CLTCL1: variants seen among roughly 807,000 people sequenced by gnomAD.
The protein encoded by CLTCL1 is clathrin heavy chain 2.
In CLTCL1, 159 loss-of-function variants were observed where a neutral mutation model predicts 190.0. The observed-to-expected ratio is 0.84, with a 90% CI of 0.74 to 0.95. The LOEUF is 0.95. CLTCL1 is among the 40% of genes least tolerant of loss of function. CLTCL1 has a pLI of 0.00. For missense variants in CLTCL1, 1,878 were observed against 2,033.4 expected (o/e 0.92, Z 1.47); for synonymous variants, 752 against 769.6 (o/e 0.98, Z 0.38).
chr22:19,288,362 T>G (rs1333529242), intron 1 of CLTCL1, among the ~76,000 whole-genome samples: 2 of 152,140 alleles, frequency 1.3e-5, no homozygotes, highest in Admixed American at 1.3e-4. Flanking sequence ...GTATAAAGGG[T>G]TCAGAACAAT....
chr22:19,190,596 C>CAAAAAAAA lies in CLTCL1; in HGVS notation c.4323+700_4323+707dup, dbSNP rs55780206. Reference sequence around the variant, plus strand: ...CCTGGGCAACAGAGCAAGACTGTCTCAAAAAAAAAAAAAAAAAAAAAAAGA... The same window carrying CAAAAAAAA: ...CCTGGGCAACAGAGCAAGACTGTCTCAAAAAAAAAAAAAAAAAAAAAAAAAAAAAAAGA... On this transcript the variant is annotated intron_variant, in intron 27 of 32. Transcript: ENST00000427926. 4.0e-4 allele frequency among the ~76,000 whole-genome samples: 29 copies of CAAAAAAAA among 72,820 alleles called. 2 individuals carry two copies. In the East Asian group the frequency reaches 7.8e-3, roughly 20 times the overall value. The allele number at this position is 72,820 out of a possible 152,430, so 47.8% of individuals were successfully genotyped here. A position where few individuals can be genotyped will look rare whatever the true frequency, so the allele number is the denominator to read the frequency against.
chr22:19,184,138 C>A (rs2084234076), intron 29 of CLTCL1: 1 of 269,600 alleles, frequency 3.7e-6, no homozygotes, highest in Non-Finnish European at 7.4e-6. Flanking sequence ...CCTGACCAGT[C>A]CTGAAGAAGC....
intron 26 of CLTCL1, among the ~76,000 whole-genome samples, chr22:19,193,965 A>G (rs547221240): frequency 6.6e-6 from 1 of 152,366 alleles, no homozygotes; most frequent in African/African-American, 2.4e-5. Context: ...AGACCCGAAC[A>G]GGTTGCACTG....
intron 29 of CLTCL1, among the ~76,000 whole-genome samples, chr22:19,186,209 G>A (rs2084309865): frequency 6.6e-6 from 1 of 152,170 alleles, no homozygotes; most frequent in South Asian, 2.1e-4. Context: ...GAATGCCTAA[G>A]GCCAACTCCG....
chr22:19,280,818 C>CAAAAAA (rs35797654), intron 1 of CLTCL1, among the ~76,000 whole-genome samples: 3 of 59,400 alleles, frequency 5.1e-5, no homozygotes, highest in Middle Eastern at 0.011. Flanking sequence ...GACTCCATCT[C>CAAAAAA]AAAAAAAAAA....
In CLTCL1 at chr22:19,180,788, A is replaced by G; in HGVS notation, c.4846T>C (p.Leu1616=). The G allele has an allele frequency of 6.2e-7, 1 of 1,613,782 alleles. No homozygotes were observed. Among genetic ancestry groups the G allele is most frequent in the African/African-American group, 1.3e-5 (1 of 75,050 alleles). ...YLSKVDKLDA[L]ESLRKQEEHV... is the part of the protein sequence containing the mutation. Reference sequence around the variant, plus strand: ...TCCTCTTGCTTGCGCAGACTCTCCAAGGCATCCAGTTTGTCCACCTGCAAG... The same window carrying G: ...TCCTCTTGCTTGCGCAGACTCTCCAGGGCATCCAGTTTGTCCACCTGCAAG... Residue 1616 remains leucine, a synonymous_variant, in exon 31 of 33, where the codon TTG becomes CTG. Coordinates refer to ENST00000427926, the MANE Select transcript of CLTCL1 (RefSeq NM_007098.4).
At chr22:19,192,304 A>C (rs2084537559) in intron 26 of CLTCL1, among the ~76,000 whole-genome samples, 1 of 151,862 alleles carries the variant, frequency 6.6e-6, no homozygotes. Context: ...TGACCTCGTG[A>C]TCTCCCCACC....
chr22:19,254,070 GGA>G lies in CLTCL1; in HGVS notation c.406_407del (p.Ser136ProfsTer7). On this transcript the variant is annotated frameshift_variant, in exon 3 of 33. Transcript: ENST00000427926. LOFTEE classifies it high-confidence loss of function. ...GTCTATCAAACATCTTCATGGGCTG[GGA>G]GTCACCTTCCATGCTCCAGTGGTAG... ...AVYHWSMEGD[S>X]QPMKMFDRHT... is the part of the protein sequence containing the mutation. The G allele has an allele frequency of 3.1e-6, 5 of 1,612,240 alleles. No individual in the cohort carries two copies. The highest frequency in any genetic ancestry group is 4.2e-6 in the Non-Finnish European group (5 of 1,179,082).
chr22:19,250,041 G>A lies in CLTCL1; in HGVS notation c.519+3918C>T. Reference sequence around the variant, plus strand: ...GGCCGAGGTGGGCAGATCACTTGAGGTCAGGAGTTCAAGACCAGCCTGGCC... The same window carrying A: ...GGCCGAGGTGGGCAGATCACTTGAGATCAGGAGTTCAAGACCAGCCTGGCC... On this transcript the variant is annotated intron_variant, in intron 3 of 32. Transcript: ENST00000427926. 3 of 243,172 alleles carry A rather than the reference G, an allele frequency of 1.2e-5. No individual in the cohort carries two copies. The South Asian group carries it at 1.4e-4, about 11-fold the overall frequency. The allele number at this position is 243,172 out of a possible 1,614,324, so 15.1% of individuals were successfully genotyped here. A position where few individuals can be genotyped will look rare whatever the true frequency, so the allele number is the denominator to read the frequency against.
Position 19,187,617 on chromosome 22 carries a change from T to G in CLTCL1, c.4546A>C (p.Lys1516Gln), listed in dbSNP as rs1469276016. The G allele has an allele frequency of 5.6e-6, 9 of 1,613,464 alleles. No homozygotes were observed. Among genetic ancestry groups the G allele is most frequent in the Admixed American group, 1.7e-5 (1 of 60,014 alleles). Reference protein sequence around the residue: ...EFRCIAAYLYKGNNWWAQSVE... With the variant: ...EFRCIAAYLYQGNNWWAQSVE... The stretch of plus-strand genomic sequence containing the variant: ...CTCTGGGCCCACCAGTTATTGCCCT[T>G]GTACAGATAGGCCGCAATGCACCTG... The change falls in exon 29 of 33, where the codon AAG becomes CAG. Residue 1516 changes from lysine (K) to glutamine (Q), a missense_variant. By Grantham distance (53) the Lys-to-Gln change is moderately conservative. Coordinates refer to ENST00000427926, the MANE Select transcript of CLTCL1 (RefSeq NM_007098.4).
At chr22:19,261,486 AC>A (rs1555975588) in intron 2 of CLTCL1, among the ~76,000 whole-genome samples, 3 of 152,106 alleles carry the variant, frequency 2.0e-5, no homozygotes, top group African/African-American at 7.2e-5. Context: ...TAAATTGATA[AC>A]CTCCTGGAAA....
At position 19,196,481 on chromosome 22, in the gene CLTCL1, C is replaced by A. The variant is rs1555935766; in HGVS notation, c.4041+8G>T. ...CACGGCTGCCAGACTGCAAGGAGTA[C>A]ACGGTACCTTTGGGATGTTGACACG... is the stretch of plus-strand genomic sequence containing the variant. On this transcript the variant is annotated splice_region_variant and intron_variant, in intron 25 of 32. Transcript: ENST00000427926. 1 of 1,614,064 alleles carries A rather than the reference C, an allele frequency of 6.2e-7. No homozygotes were observed. The highest frequency in any genetic ancestry group is 8.5e-7 in the Non-Finnish European group (1 of 1,179,888).
chr22:19,218,827 C>T (rs954362759), intron 18 of CLTCL1, among the ~76,000 whole-genome samples: 2 of 152,208 alleles, frequency 1.3e-5, no homozygotes, highest in African/African-American at 4.8e-5. Context: ...CAGGCCATAC[C>T]CAATAATGAC....
At chr22:19,239,174 A>G (rs1601614900) in intron 5 of CLTCL1, 101 bp downstream of exon 5, 2 of 880,896 alleles carry the variant, frequency 2.3e-6, no homozygotes, top group Middle Eastern at 2.2e-4. Flanking sequence ...CAGTGGCAGG[A>G]GACAGCAGAA....
chr22:19,227,803 G>C lies in CLTCL1; in HGVS notation c.1783-1420C>G, dbSNP rs113917662. On this transcript the variant is annotated intron_variant, in intron 11 of 32. Coordinates refer to ENST00000427926, the MANE Select transcript of CLTCL1 (RefSeq NM_007098.4). The stretch of plus-strand genomic sequence containing the variant: ...TGTAGAGATGGGGTTTGGCCGTGTT[G>C]TCCATGCTGGTCTCAAACTCCTGGG... Among the ~76,000 whole-genome samples the C allele has an allele frequency of 3.6e-3, 542 of 152,222 alleles. 5 individuals are homozygous for C. The highest frequency in any genetic ancestry group is 0.012 in the African/African-American group (505 of 41,534).
At chr22:19,221,806 G>T in intron 16 of CLTCL1, 145 bp downstream of exon 16, 2 of 1,039,948 alleles carry the variant, frequency 1.9e-6, no homozygotes, top group South Asian at 1.6e-5. Context: ...GGTCTTCACA[G>T]TACCAATAGC....
intron 22 of CLTCL1, among the ~76,000 whole-genome samples, chr22:19,204,597 T>C (rs977563430): frequency 1.3e-5 from 2 of 152,258 alleles, no homozygotes; most frequent in Non-Finnish European, 2.9e-5. Context: ...CCATAGCCCC[T>C]ACTCTGGCAC....
chr22:19,197,194 C>A (rs1421773364), intron 24 of CLTCL1, among the ~76,000 whole-genome samples: 1 of 152,180 alleles, frequency 6.6e-6, no homozygotes, highest in Non-Finnish European at 1.5e-5. Context: ...AAACACCCAG[C>A]CATGTGACCC....
At chr22:19,221,294 G>C (rs1420164840) in intron 17 of CLTCL1, 83 bp downstream of exon 17, 10 of 1,058,526 alleles carry the variant, frequency 9.4e-6, no homozygotes, top group African/African-American at 8.0e-5. Flanking sequence ...AGAAAGCCCT[G>C]ATCAGCTCCC....
Sources: allele counts gnomAD v4.1 joint callset (sites outside exome capture counted in the v4.1 genomes callset), GRCh38; gene constraint gnomAD v4.1.1; transcripts MANE v1.5; gene names NCBI Gene and HGNC (gene_info 2026-07-23, HGNC 2026-07-21).